RTL4: variants seen among roughly 807,000 people sequenced by gnomAD.
RTL4 encodes the protein retrotransposon Gag-like protein 4.
Under a neutral mutation model 5.3 loss-of-function variants are expected in RTL4, and 4 were observed. The ratio of observed to expected loss-of-function variants is 0.75; its 90% CI spans 0.37 to 1.72. RTL4 has a LOEUF of 1.72. Among genes scored for constraint, RTL4 ranks in the 40% most tolerant of loss-of-function variants. RTL4 has a pLI of 0.04. For missense variants in RTL4, 260 were observed against 227.1 expected (o/e 1.14, Z -0.93); for synonymous variants, 98 against 87.3 (o/e 1.12, Z -0.68).
the RTL4 span, among the ~76,000 whole-genome samples, chrX:112,353,330 T>G: frequency 2.7e-5 from 3 of 111,513 alleles, no homozygotes; most frequent in African/African-American, 9.8e-5. Flanking sequence ...ATCCTATTAC[T>G]GGGCATATAC....
At chrX:112,139,134 G>A in the RTL4 span, among the ~76,000 whole-genome samples, 7 of 111,072 alleles carry the variant, frequency 6.3e-5, no homozygotes, top group Non-Finnish European at 1.3e-4. Flanking sequence ...TAGACTGAGC[G>A]TATGGATTTT....
the RTL4 span, among the ~76,000 whole-genome samples, chrX:112,419,162 G>C: frequency 9.8e-6 from 1 of 101,884 alleles, no homozygotes; most frequent in African/African-American, 3.6e-5. Context: ...ACAGATTTTA[G>C]ATCTAAAACC....
chrX:112,392,578 A>T, the RTL4 span, among the ~76,000 whole-genome samples: 2 of 111,284 alleles, frequency 1.8e-5, no homozygotes, highest in African/African-American at 6.5e-5. Flanking sequence ...CTGCTTTAAA[A>T]ACAAGTTTGG....
At chrX:112,151,177 C>A in the RTL4 span, among the ~76,000 whole-genome samples, 1 of 112,549 alleles carries the variant, frequency 8.9e-6, no homozygotes, top group Non-Finnish European at 1.9e-5. Flanking sequence ...CAGTTTCAGA[C>A]TGGCTGTGAA....
chrX:112,357,666 G>A, the RTL4 span, among the ~76,000 whole-genome samples: 16 of 111,999 alleles, frequency 1.4e-4, no homozygotes, highest in African/African-American at 4.9e-4. Context: ...ATGCTGCATC[G>A]ATGGCAACTT....
chrX:112,396,427 C>G, the RTL4 span, among the ~76,000 whole-genome samples: 2 of 111,123 alleles, frequency 1.8e-5, no homozygotes, highest in Non-Finnish European at 3.8e-5. Flanking sequence ...CCTGATTTTT[C>G]GTTATTATAA....
chrX:112,455,822 T>C, exon 1 of RTL4: 2 of 493,660 alleles, frequency 4.1e-6, no homozygotes. Flanking sequence ...ATCTTGTTCA[T>C]TGGCAAATTA....
At chrX:112,300,496 G>T in the RTL4 span, among the ~76,000 whole-genome samples, 1 of 112,196 alleles carries the variant, frequency 8.9e-6, no homozygotes. Context: ...GAAAAAGTAA[G>T]TTACAAATTC....
the RTL4 span, among the ~76,000 whole-genome samples, chrX:112,335,738 C>G: frequency 9.0e-6 from 1 of 110,634 alleles, no homozygotes; most frequent in Non-Finnish European, 1.9e-5. Flanking sequence ...TATTCCAACT[C>G]ATTAATTTTT....
At chrX:112,340,790 C>G in the RTL4 span, among the ~76,000 whole-genome samples, 1 of 110,984 alleles carries the variant, frequency 9.0e-6, no homozygotes. Flanking sequence ...GATCTCAGCT[C>G]ACTGCTACTT....
the RTL4 span, among the ~76,000 whole-genome samples, chrX:112,086,102 C>T: frequency 6.2e-5 from 7 of 112,115 alleles, no homozygotes; most frequent in Non-Finnish European, 1.1e-4. Context: ...TTGAATCCAA[C>T]CTGGCTTTTT....
At chrX:112,380,753 C>T in the RTL4 span, among the ~76,000 whole-genome samples, 1 of 112,011 alleles carries the variant, frequency 8.9e-6, no homozygotes, top group South Asian at 3.7e-4. Flanking sequence ...TAGCGTCGGG[C>T]AGGGCTGGTG....
At chrX:112,350,077 T>C in the RTL4 span, among the ~76,000 whole-genome samples, 3 of 110,611 alleles carry the variant, frequency 2.7e-5, no homozygotes, top group African/African-American at 9.8e-5. Flanking sequence ...GCATGAAGAG[T>C]TGTTGAATTT....
At chrX:112,221,006 A>C in the RTL4 span, among the ~76,000 whole-genome samples, 1 of 111,601 alleles carries the variant, frequency 9.0e-6, no homozygotes, top group Non-Finnish European at 1.9e-5. Context: ...GCAATACCCT[A>C]CTCTCAGTAC....
chrX:112,365,623 C>T, the RTL4 span, among the ~76,000 whole-genome samples: 7 of 111,289 alleles, frequency 6.3e-5, no homozygotes, highest in Non-Finnish European at 1.9e-5. Flanking sequence ...CCAGAGAACC[C>T]AATGATGATA....
At chrX:112,385,884 A>G in the RTL4 span, among the ~76,000 whole-genome samples, 1 of 112,002 alleles carries the variant, frequency 8.9e-6, no homozygotes. Context: ...AGATGCTCAG[A>G]TGCTAATATT....
the RTL4 span, among the ~76,000 whole-genome samples, chrX:112,337,110 C>A: frequency 9.0e-6 from 1 of 111,483 alleles, no homozygotes; most frequent in Non-Finnish European, 1.9e-5. Context: ...CTTACTTTAG[C>A]CTGTTAGAAA....
the RTL4 span, among the ~76,000 whole-genome samples, chrX:112,176,048 A>C: frequency 1.8e-5 from 2 of 110,811 alleles, no homozygotes; most frequent in Non-Finnish European, 3.8e-5. Flanking sequence ...ATACAAAATC[A>C]ATGTACAAAA....
chrX:112,380,872 TC>T, the RTL4 span, among the ~76,000 whole-genome samples: 2 of 111,506 alleles, frequency 1.8e-5, no homozygotes, highest in African/African-American at 6.5e-5. Context: ...AGGGCTTTTG[TC>T]CCCTGGAGGA....
Sources: gnomAD v4.1 joint callset for allele counts (sites outside exome capture counted in the v4.1 genomes callset) on GRCh38, gnomAD v4.1.1 for gene constraint, MANE v1.5 for transcripts, NCBI Gene and HGNC (gene_info 2026-07-23, HGNC 2026-07-21) for gene names.